PTPRD: variants seen among roughly 807,000 people sequenced by gnomAD.
The protein encoded by PTPRD is protein tyrosine phosphatase receptor type D.
A neutral mutation model predicts 214.5 loss-of-function variants in PTPRD; 34 were observed. The ratio of observed to expected loss-of-function variants is 0.16; its 90% CI spans 0.12 to 0.21. The LOEUF is 0.21. PTPRD is among the 10% of genes least tolerant of loss of function. PTPRD has a pLI of 1.00. For synonymous variants in PTPRD, 1,128 were observed against 845.7 expected, an observed-to-expected ratio of 1.33 and a Z score of -5.79; for missense variants, 2,545 against 2,398.7, an observed-to-expected ratio of 1.06 and a Z score of -1.27.
chr9:9,369,458 T>A (rs143882227), intron 9 of PTPRD, among the ~76,000 whole-genome samples: 3,774 of 152,238 alleles, frequency 0.025, 140 homozygotes, highest in African/African-American at 0.085. Context: ...GTGGGGTTGT[T>A]TGCTTTTTTT....
chr9:10,113,843 C>T (rs1336242737), intron 3 of PTPRD, among the ~76,000 whole-genome samples: 4 of 152,178 alleles, frequency 2.6e-5, no homozygotes, highest in African/African-American at 4.8e-5. Context: ...GCTGCTGATA[C>T]ATGGGCCACA....
chr9:8,757,783 T>A (rs1391190277), intron 11 of PTPRD, among the ~76,000 whole-genome samples: 1 of 151,938 alleles, frequency 6.6e-6, no homozygotes, highest in African/African-American at 2.4e-5. Flanking sequence ...TAACAACTCA[T>A]GATACTGCAT....
intron 11 of PTPRD, among the ~76,000 whole-genome samples, chr9:8,837,278 G>A (rs1050202093): frequency 1.3e-5 from 2 of 151,980 alleles, no homozygotes; most frequent in Non-Finnish European, 2.9e-5. Flanking sequence ...GCCTCCCGAA[G>A]TGCTGGGATT....
chr9:9,579,491 A>C (rs1030568432), intron 7 of PTPRD, among the ~76,000 whole-genome samples: 4 of 151,992 alleles, frequency 2.6e-5, no homozygotes, highest in African/African-American at 7.2e-5. Context: ...TACATAGGTA[A>C]ACGTGTGCCA....
chr9:10,546,443 T>C (rs944622335), intron 2 of PTPRD, among the ~76,000 whole-genome samples: 1 of 152,046 alleles, frequency 6.6e-6, no homozygotes, highest in Admixed American at 6.6e-5. Context: ...TTATTGCTCA[T>C]TGGTTGCAGC....
intron 9 of PTPRD, among the ~76,000 whole-genome samples, chr9:9,387,820 G>A (rs570933884): frequency 1.3e-5 from 2 of 152,232 alleles, no homozygotes; most frequent in African/African-American, 4.8e-5. Flanking sequence ...CCGACCCTAT[G>A]GCAATGTCTG....
At chr9:8,716,420 C>T (rs2098436785) in intron 12 of PTPRD, among the ~76,000 whole-genome samples, 3 of 152,196 alleles carry the variant, frequency 2.0e-5, no homozygotes, top group African/African-American at 4.8e-5. Context: ...TCACTTTACA[C>T]AAACAGAATC....
chr9:9,930,801 T>G (rs1279709477), intron 5 of PTPRD, among the ~76,000 whole-genome samples: 1 of 152,076 alleles, frequency 6.6e-6, no homozygotes, highest in African/African-American at 2.4e-5. Flanking sequence ...TGTTTATCCA[T>G]GTAAATAGGT....
intron 11 of PTPRD, among the ~76,000 whole-genome samples, chr9:8,991,173 G>C (rs867687372): frequency 2.1e-4 from 31 of 150,506 alleles, no homozygotes; most frequent in African/African-American, 7.3e-4. Context: ...GAGCTGAGAT[G>C]GCGCCATTGC....
intron 3 of PTPRD, among the ~76,000 whole-genome samples, chr9:10,208,167 T>G (rs894382212): frequency 1.3e-5 from 2 of 152,196 alleles, no homozygotes; most frequent in Non-Finnish European, 2.9e-5. Context: ...TTGTGTTACC[T>G]CGTAATTTAT....
At chr9:10,347,147 A>G (rs2097098565) in intron 2 of PTPRD, among the ~76,000 whole-genome samples, 1 of 151,436 alleles carries the variant, frequency 6.6e-6, no homozygotes, top group African/African-American at 2.4e-5. Flanking sequence ...GTCTTTCTCT[A>G]CTCTTCTTTT....
At chr9:10,360,587 C>G (rs2097361045) in intron 2 of PTPRD, among the ~76,000 whole-genome samples, 1 of 152,174 alleles carries the variant, frequency 6.6e-6, no homozygotes, top group African/African-American at 2.4e-5. Flanking sequence ...CAGCTTTTCT[C>G]TTGTCCCAAG....
intron 5 of PTPRD, among the ~76,000 whole-genome samples, chr9:9,915,288 A>C (rs10978084): frequency 6.6e-6 from 1 of 152,082 alleles, no homozygotes; most frequent in African/African-American, 2.4e-5. Flanking sequence ...TTTCTACCAA[A>C]TGCATGGAAA....
intron 9 of PTPRD, among the ~76,000 whole-genome samples, chr9:9,192,990 C>T (rs185071633): frequency 2.0e-5 from 3 of 152,104 alleles, no homozygotes; most frequent in Admixed American, 2.0e-4. Flanking sequence ...GATTATTTTC[C>T]TTTGAATGAA....
intron 9 of PTPRD, among the ~76,000 whole-genome samples, chr9:9,334,930 A>T (rs757818322): frequency 3.9e-4 from 59 of 151,766 alleles, no homozygotes; most frequent in African/African-American, 6.5e-4. Flanking sequence ...AGTAATTTTT[A>T]AAAAAAACCT....
At chr9:9,319,196 C>T (rs1965112671) in intron 9 of PTPRD, among the ~76,000 whole-genome samples, 2 of 152,168 alleles carry the variant, frequency 1.3e-5, no homozygotes, top group Admixed American at 6.6e-5. Flanking sequence ...TGAATGAATG[C>T]TGCCTTTCTT....
intron 11 of PTPRD, among the ~76,000 whole-genome samples, chr9:8,808,709 T>C (rs2096738629): frequency 6.6e-6 from 1 of 152,064 alleles, no homozygotes; most frequent in African/African-American, 2.4e-5. Context: ...AAACATGAAA[T>C]GTATATATGT....
At chr9:8,726,026 G>GACACACACACACAC (rs71500962) in intron 12 of PTPRD, among the ~76,000 whole-genome samples, 4 of 139,500 alleles carry the variant, frequency 2.9e-5, no homozygotes, top group African/African-American at 8.5e-5. Context: ...CAGACAGACA[G>GACACACACACACAC]ACACACACAC....
intron 3 of PTPRD, among the ~76,000 whole-genome samples, chr9:10,316,061 TG>T (rs1436870335): frequency 6.6e-6 from 1 of 150,704 alleles, no homozygotes; most frequent in Non-Finnish European, 1.5e-5. Flanking sequence ...AAATTTATAA[TG>T]GTGTTGTAAT....
Sources: gnomAD v4.1 joint callset for allele counts (sites outside exome capture counted in the v4.1 genomes callset) on GRCh38, gnomAD v4.1.1 for gene constraint, MANE v1.5 for transcripts, NCBI Gene and HGNC (gene_info 2026-07-23, HGNC 2026-07-21) for gene names.